PSD3: variants seen among roughly 807,000 people sequenced by gnomAD.
PSD3 encodes the protein PH and SEC7 domain-containing protein 3.
In PSD3, 49 loss-of-function variants were observed where a neutral mutation model predicts 105.5. The observed-to-expected ratio is 0.46, with a 90% CI of 0.37 to 0.59. PSD3 has a LOEUF of 0.59. Among genes scored for constraint, PSD3 ranks in the 20% least tolerant of loss-of-function variants. The probability of loss-of-function intolerance (pLI) is 0.00; values close to 1 mark genes in which losing one functional copy is unlikely to be tolerated. For synonymous variants in PSD3, 557 were observed against 457.8 expected (o/e 1.22, Z -2.77); for missense variants, 1,561 against 1,263.8 (o/e 1.24, Z -3.57).
intron 9 of PSD3, among the ~76,000 whole-genome samples, chr8:18,667,870 C>G (rs1162469892): frequency 6.6e-6 from 1 of 152,232 alleles, no homozygotes; most frequent in African/African-American, 2.4e-5. Flanking sequence ...GAGTGTAGCG[C>G]CGGCAGGCCG....
At chr8:18,726,568 T>C (rs1240743033) in intron 9 of PSD3, among the ~76,000 whole-genome samples, 2 of 152,204 alleles carry the variant, frequency 1.3e-5, no homozygotes, top group African/African-American at 4.8e-5. Flanking sequence ...TCCATTCCCA[T>C]GACTTTAATT....
chr8:18,593,337 A>T (rs1368697517), intron 12 of PSD3, among the ~76,000 whole-genome samples: 1 of 152,232 alleles, frequency 6.6e-6, no homozygotes, highest in East Asian at 1.9e-4. Flanking sequence ...ACTTCTCAAA[A>T]GAAGACATTT....
chr8:18,800,089 T>C (rs531022825), intron 7 of PSD3, among the ~76,000 whole-genome samples: 56 of 152,320 alleles, frequency 3.7e-4, no homozygotes, highest in African/African-American at 1.3e-3. Flanking sequence ...AAGTTCTACA[T>C]ATATTTAAAA....
At chr8:18,842,462 G>A (rs533721063) in intron 4 of PSD3, among the ~76,000 whole-genome samples, 162 of 152,182 alleles carry the variant, frequency 1.1e-3, no homozygotes, top group Non-Finnish European at 1.8e-3. Flanking sequence ...GGCCGGGCGC[G>A]GTGGCTCACG....
chr8:18,753,817 T>G (rs188918918), intron 9 of PSD3, among the ~76,000 whole-genome samples: 2 of 152,178 alleles, frequency 1.3e-5, no homozygotes, highest in Non-Finnish European at 2.9e-5. Context: ...TGTAACATTT[T>G]TGATGACTCA....
intron 12 of PSD3, among the ~76,000 whole-genome samples, chr8:18,598,649 T>G (rs1044492740): frequency 4.6e-5 from 7 of 152,060 alleles, no homozygotes; most frequent in African/African-American, 1.7e-4. Flanking sequence ...ATCTTATATG[T>G]AGAAAACCCA....
At chr8:19,017,390 A>C (rs796575900), upstream of PSD3, among the ~76,000 whole-genome samples, 3 of 152,242 alleles carry the variant, frequency 2.0e-5, no homozygotes, top group African/African-American at 7.2e-5. Flanking sequence ...AGATTTTTTT[A>C]AAACAGCTTT....
At chr8:18,758,246 A>G (rs1481061753) in intron 9 of PSD3, among the ~76,000 whole-genome samples, 1 of 152,168 alleles carries the variant, frequency 6.6e-6, no homozygotes, top group South Asian at 2.1e-4. Context: ...GAGAGCAACA[A>G]TGAGAGTGGG....
intron 10 of PSD3, among the ~76,000 whole-genome samples, chr8:18,645,003 G>A (rs746197137): frequency 1.3e-5 from 2 of 152,190 alleles, no homozygotes; most frequent in Non-Finnish European, 2.9e-5. Context: ...TAGTAAGGCA[G>A]AAGGTCAAGA....
intron 2 of PSD3, among the ~76,000 whole-genome samples, chr8:18,879,588 T>C (rs887250619): frequency 1.3e-5 from 2 of 151,192 alleles, no homozygotes; most frequent in African/African-American, 2.4e-5. Context: ...TCATTCATCA[T>C]TGCTTTTTTT....
chr8:18,961,142 A>T (rs1823887432), intron 1 of PSD3, among the ~76,000 whole-genome samples: 1 of 152,140 alleles, frequency 6.6e-6, no homozygotes, highest in African/African-American at 2.4e-5. Context: ...AAGTGCAACT[A>T]GACAGTTTAC....
chr8:18,663,144 A>G (rs1809480919), intron 9 of PSD3, among the ~76,000 whole-genome samples: 1 of 152,164 alleles, frequency 6.6e-6, no homozygotes, highest in African/African-American at 2.4e-5. Flanking sequence ...CCTGAAAGTG[A>G]AGGCCGGGCG....
chr8:18,720,886 C>T (rs1044814057), intron 9 of PSD3: 6 of 151,892 alleles, frequency 4.0e-5, no homozygotes, highest in African/African-American at 1.5e-4. Context: ...TTATTTTTTC[C>T]TATTTGATAT....
At chr8:18,765,577 TGGAATTAAGACTG>T in intron 8 of PSD3, 39 bp from the exon 9 acceptor site, 1 of 1,431,196 alleles carries the variant, frequency 7.0e-7, no homozygotes, top group Non-Finnish European at 9.9e-7. Context: ...ATGACATTCA[TGGAATTAAGACTG>T]ATTCATAAAT....
Position 18,645,100 on chromosome 8 carries a change from A to C in PSD3, c.2216+10542T>G, listed in dbSNP as rs200466802. Among the ~76,000 whole-genome samples, 5 of 152,338 alleles carry C rather than the reference A, an allele frequency of 3.3e-5. No individual in the cohort carries two copies. In the East Asian group the frequency reaches 7.7e-4, roughly 24 times the overall value. On this transcript the variant is annotated intron_variant, in intron 10 of 15. Transcript: ENST00000327040. The stretch of plus-strand genomic sequence containing the variant: ...ACTAACCCACTCCCTTGATAACATT[A>C]ATCCATTAATTAGGGCAGAGCCCTT...
intron 2 of PSD3, among the ~76,000 whole-genome samples, chr8:18,921,001 T>A (rs1018161757): frequency 2.6e-4 from 40 of 152,358 alleles, no homozygotes; most frequent in African/African-American, 9.6e-4. Flanking sequence ...AGCAAATATT[T>A]ACATAAATTC....
At chr8:18,990,389 C>A (rs984173220) in intron 1 of PSD3, among the ~76,000 whole-genome samples, 4 of 152,152 alleles carry the variant, frequency 2.6e-5, no homozygotes, top group African/African-American at 9.7e-5. Context: ...GCCTGGCCTT[C>A]TCTCAGTTCT....
intron 3 of PSD3, among the ~76,000 whole-genome samples, chr8:18,868,987 C>G (rs1346034153): frequency 2.0e-5 from 3 of 152,120 alleles, no homozygotes; most frequent in Non-Finnish European, 4.4e-5. Context: ...TTAAGCATCT[C>G]ATAAGTCATC....
chr8:18,684,873 A>G (rs1013891373), intron 9 of PSD3, among the ~76,000 whole-genome samples: 16 of 152,200 alleles, frequency 1.1e-4, no homozygotes, highest in Non-Finnish European at 2.9e-5. Context: ...AGCAATGTGC[A>G]AGCCTCTGAG....
Sources: allele counts gnomAD v4.1 joint callset (sites outside exome capture counted in the v4.1 genomes callset), GRCh38; gene constraint gnomAD v4.1.1; transcripts MANE v1.5; gene names NCBI Gene and HGNC (gene_info 2026-07-23, HGNC 2026-07-21).